SRPK2: variants seen among roughly 807,000 people sequenced by gnomAD.
The protein encoded by SRPK2 is SRSF protein kinase 2, also known as SFRS protein kinase 2.
SRPK2 carries 21 observed loss-of-function variants against 90.8 expected under a neutral mutation model. The observed-to-expected ratio is 0.23, with a 90% CI of 0.16 to 0.33. The LOEUF is 0.33. SRPK2 is among the 10% of genes least tolerant of loss of function. The pLI is 1.00. For missense variants in SRPK2, 620 were observed against 869.0 expected (o/e 0.71, Z 3.60); for synonymous variants, 288 against 311.1 (o/e 0.93, Z 0.78).
intron 2 of SRPK2, among the ~76,000 whole-genome samples, chr7:105,248,309 G>C (rs895155788): frequency 6.6e-6 from 1 of 152,066 alleles, no homozygotes; most frequent in African/African-American, 2.4e-5. Context: ...AAAAGAACTG[G>C]ATTAGGGGTG....
chr7:105,381,566 C>T (rs1563313753), intron 2 of SRPK2, among the ~76,000 whole-genome samples: 2 of 152,228 alleles, frequency 1.3e-5, no homozygotes, highest in African/African-American at 4.8e-5. Context: ...GGTCTTTTCA[C>T]AAAGCAATCT....
intron 2 of SRPK2, among the ~76,000 whole-genome samples, chr7:105,338,843 T>C (rs976113671): frequency 3.3e-5 from 5 of 152,198 alleles, no homozygotes; most frequent in Non-Finnish European, 7.3e-5. Context: ...AATTAGAATC[T>C]TGGATTTTTC....
At chr7:105,208,787 A>G (rs992143629) in intron 2 of SRPK2, among the ~76,000 whole-genome samples, 3 of 152,150 alleles carry the variant, frequency 2.0e-5, no homozygotes, top group African/African-American at 7.2e-5. Context: ...ACATGAGCAA[A>G]CTGTATGCTA....
intron 2 of SRPK2, among the ~76,000 whole-genome samples, chr7:105,355,954 A>G (rs1817735748): frequency 6.6e-6 from 1 of 152,292 alleles, no homozygotes; most frequent in South Asian, 2.1e-4. Context: ...AGGCTGAGGC[A>G]GGAGAATCAC....
At chr7:105,378,743 C>G (rs1003108107) in intron 2 of SRPK2, among the ~76,000 whole-genome samples, 1 of 132,548 alleles carries the variant, frequency 7.5e-6, no homozygotes, top group Non-Finnish European at 1.6e-5. Flanking sequence ...AGTCTGGCAA[C>G]AGAGAAAGAC....
At chr7:105,301,620 T>C (rs540224281) in intron 2 of SRPK2, 83 of 1,609,208 alleles carry the variant, frequency 5.2e-5, no homozygotes, top group Middle Eastern at 4.5e-4. Flanking sequence ...CTTTTCAATA[T>C]AGGATAGGTG....
At chr7:105,304,778 T>A (rs540051012) in intron 2 of SRPK2, among the ~76,000 whole-genome samples, 1 of 151,996 alleles carries the variant, frequency 6.6e-6, no homozygotes, top group East Asian at 1.9e-4. Flanking sequence ...ACAGATGATA[T>A]ATAGACAATC....
chr7:105,356,710 G>A (rs1348154429), intron 2 of SRPK2, among the ~76,000 whole-genome samples: 1 of 152,138 alleles, frequency 6.6e-6, no homozygotes, highest in African/African-American at 2.4e-5. Flanking sequence ...ATAGTGAAAT[G>A]TAAGTCTGCA....
intron 2 of SRPK2, among the ~76,000 whole-genome samples, chr7:105,287,494 T>C (rs1056830258): frequency 6.6e-6 from 1 of 152,200 alleles, no homozygotes; most frequent in African/African-American, 2.4e-5. Context: ...CCCCACACTT[T>C]GGGAGGCTGA....
At chr7:105,166,141 A>C (rs1790031208) in intron 6 of SRPK2, among the ~76,000 whole-genome samples, 1 of 152,242 alleles carries the variant, frequency 6.6e-6, no homozygotes, top group African/African-American at 2.4e-5. Flanking sequence ...CTCTGTTAAG[A>C]ATCACTAACT....
intron 2 of SRPK2, among the ~76,000 whole-genome samples, chr7:105,223,465 C>T (rs1798346336): frequency 6.6e-6 from 1 of 152,228 alleles, no homozygotes; most frequent in African/African-American, 2.4e-5. Context: ...TCAGCTCAAC[C>T]TTGTGTCTTC....
rs140194512 is a variant in SRPK2, at chr7:105,228,599, C to T, written c.72-24814G>A. Reference sequence around the variant, plus strand: ...TCTGAGCTGCTAACACACCACCGTCCGCAGACAGCGGAACTAAGAGAGCAG... The same window carrying T: ...TCTGAGCTGCTAACACACCACCGTCTGCAGACAGCGGAACTAAGAGAGCAG... On this transcript the variant is annotated intron_variant, in intron 2 of 15. Transcript: ENST00000393651. Among the ~76,000 whole-genome samples, 526 of 152,226 alleles carry T rather than the reference C, an allele frequency of 3.5e-3. 3 individuals carry two copies. The highest frequency in any genetic ancestry group is 5.3e-3 in the Admixed American group (81 of 15,298).
intron 2 of SRPK2, among the ~76,000 whole-genome samples, chr7:105,236,459 C>T (rs1585294138): frequency 1.3e-5 from 2 of 152,080 alleles, no homozygotes; most frequent in East Asian, 3.9e-4. Context: ...TAAATTATCA[C>T]TTACAGGCAG....
At chr7:105,294,613 G>C (rs1257787010) in intron 2 of SRPK2, among the ~76,000 whole-genome samples, 2 of 151,902 alleles carry the variant, frequency 1.3e-5, no homozygotes, top group Non-Finnish European at 2.9e-5. Flanking sequence ...TGCAACCTCC[G>C]CCTCCCAGGT....
At chr7:105,263,336 A>G (rs1804588687) in intron 2 of SRPK2, among the ~76,000 whole-genome samples, 1 of 152,066 alleles carries the variant, frequency 6.6e-6, no homozygotes, top group East Asian at 1.9e-4. Flanking sequence ...AAAAAAAAAG[A>G]AAAAGAAATG....
At chr7:105,218,099 G>C (rs1797680766) in intron 2 of SRPK2, among the ~76,000 whole-genome samples, 1 of 152,138 alleles carries the variant, frequency 6.6e-6, no homozygotes, top group Admixed American at 6.5e-5. Context: ...AGCAGGAGAA[G>C]GTATGGCAGC....
At chr7:105,310,213 C>T (rs1286942560) in intron 2 of SRPK2, among the ~76,000 whole-genome samples, 2 of 152,156 alleles carry the variant, frequency 1.3e-5, no homozygotes, top group East Asian at 3.9e-4. Context: ...AGGGGAACAG[C>T]TGAACCAACT....
intron 2 of SRPK2, among the ~76,000 whole-genome samples, chr7:105,323,636 C>T (rs953663130): frequency 2.6e-5 from 4 of 152,114 alleles, no homozygotes; most frequent in African/African-American, 9.7e-5. Flanking sequence ...TTACTCAGCA[C>T]CAAAGTGTAC....
rs549221823 is a variant in SRPK2 at position 105,182,925 on chromosome 7, G to GA, written c.230-13661dup. Among the ~76,000 whole-genome samples the GA allele has an allele frequency of 2.4e-3, 363 of 150,866 alleles. 1 individual carries two copies. The highest frequency in any genetic ancestry group is 6.8e-3 in the Middle Eastern group (2 of 294). On this transcript the variant is annotated intron_variant, in intron 3 of 15. Coordinates refer to ENST00000393651, the MANE Select transcript of SRPK2 (RefSeq NM_182692.3). ...ACACTACGAAGACAACTGTATAGGG[G>GA]AAAAAAAAATCATATTTCTATTACA...
Sources: gnomAD v4.1 joint callset for allele counts (sites outside exome capture counted in the v4.1 genomes callset) on GRCh38, gnomAD v4.1.1 for gene constraint, MANE v1.5 for transcripts, NCBI Gene and HGNC (gene_info 2026-07-23, HGNC 2026-07-21) for gene names.